TAC4: variants seen among roughly 807,000 people sequenced by gnomAD.
TAC4 encodes the protein tachykinin precursor 4, also known as tachykinin-4.
A neutral mutation model predicts 17.7 loss-of-function variants in TAC4; 17 were observed. The observed-to-expected ratio is 0.96, with a 90% CI of 0.66 to 1.44. TAC4 has a LOEUF of 1.44. Ranked by LOEUF, TAC4 falls within the 40% of genes most tolerant of loss-of-function variation. The pLI is 0.00. For missense variants in TAC4, 118 were observed against 125.6 expected, an observed-to-expected ratio of 0.94 and a Z score of 0.29; for synonymous variants, 62 against 52.4, an observed-to-expected ratio of 1.18 and a Z score of -0.79.
chr17:49,843,940 G>A, intron 2 of TAC4, 124 bp downstream of exon 2: 3 of 801,718 alleles, frequency 3.7e-6, no homozygotes, highest in Non-Finnish European at 6.5e-6. Flanking sequence ...CATCTCATGA[G>A]CGACCCCTAC....
chr17:49,844,250 G>T, intron 1 of TAC4, 93 bp from the exon 2 acceptor site: 1 of 1,189,044 alleles, frequency 8.4e-7, no homozygotes, highest in Non-Finnish European at 1.2e-6. Flanking sequence ...GTGACAGCTG[G>T]TGGTCAGCAG....
At chr17:49,845,424 A>G (rs574437123) in intron 1 of TAC4, among the ~76,000 whole-genome samples, 3 of 152,196 alleles carry the variant, frequency 2.0e-5, no homozygotes, top group Non-Finnish European at 4.4e-5. Flanking sequence ...GTCGCTCCCT[A>G]GTTGAGAGAG....
chr17:49,845,147 T>G (rs539342421), intron 1 of TAC4, among the ~76,000 whole-genome samples: 1 of 152,282 alleles, frequency 6.6e-6, no homozygotes, highest in East Asian at 1.9e-4. Context: ...TCACCTCTCT[T>G]CCCCAGGCAC....
intron 3 of TAC4, 113 bp downstream of exon 3, chr17:49,841,439 C>T: frequency 8.7e-7 from 1 of 1,152,522 alleles, no homozygotes; most frequent in Non-Finnish European, 1.2e-6. Context: ...GCAATGCCAG[C>T]CTGGCTTGCC....
chr17:49,847,365 AT>A, intron 1 of TAC4: 1 of 913,502 alleles, frequency 1.1e-6, no homozygotes, highest in Non-Finnish European at 1.5e-6. Context: ...ATGCTGGGTC[AT>A]TTCTACATGT....
chr17:49,847,391 G>C, intron 1 of TAC4: 1 of 697,522 alleles, frequency 1.4e-6, no homozygotes, highest in Middle Eastern at 3.3e-4. Flanking sequence ...CCAAATAGTG[G>C]TCCTGTTTAA....
intron 1 of TAC4, 100 bp downstream of exon 1, chr17:49,847,813 T>TC: frequency 1.3e-6 from 2 of 1,595,484 alleles, no homozygotes; most frequent in Non-Finnish European, 1.7e-6. Flanking sequence ...CTGCCTGCTC[T>TC]CCCAGCAGCC....
chr17:49,840,596 G>A (rs34931154), intron 3 of TAC4, among the ~76,000 whole-genome samples: 12,059 of 151,962 alleles, frequency 0.079, 665 homozygotes, highest in Non-Finnish European at 0.11. Context: ...TCTGCCTCCC[G>A]GGTTCAAGCG....
At chr17:49,844,030 C>G (rs745824255) in intron 2 of TAC4, 34 bp downstream of exon 2, 3 of 1,604,254 alleles carry the variant, frequency 1.9e-6, no homozygotes. Flanking sequence ...CTCAGAACCC[C>G]TGCTTGCTGG....
chr17:49,842,694 G>T (rs1327865442), intron 2 of TAC4, among the ~76,000 whole-genome samples: 1 of 151,960 alleles, frequency 6.6e-6, no homozygotes, highest in Admixed American at 6.6e-5. Flanking sequence ...TTTTGAAAAG[G>T]TTTGTACAAG....
intron 1 of TAC4, chr17:49,846,901 TGGG>T: frequency 8.1e-7 from 1 of 1,229,448 alleles, no homozygotes; most frequent in Non-Finnish European, 1.1e-6. Flanking sequence ...AGAAAAGCCT[TGGG>T]GGGTCACTTC....
chr17:49,842,856 C>T (rs571487739), intron 2 of TAC4, among the ~76,000 whole-genome samples: 5 of 152,184 alleles, frequency 3.3e-5, no homozygotes, highest in Non-Finnish European at 4.4e-5. Context: ...AACAAGTAGG[C>T]TCCTCTTGAA....
chr17:49,846,134 C>T, intron 1 of TAC4: 1 of 1,099,868 alleles, frequency 9.1e-7, no homozygotes, highest in Non-Finnish European at 1.2e-6. Flanking sequence ...GTTTCCCATT[C>T]ACTCCGACAG....
rs748427359 is a variant in TAC4, at chr17:49,844,125, C to G, written c.138G>C (p.Leu46=). ...EGAGPSIQLQ[L]QEVKTGKASQ... is the part of the protein sequence containing the mutation. Reference sequence around the variant, plus strand: ...TTGCCTTGCCCGTCTTCACCTCCTGCAGCTGGAGCTGAATGCTGGGGCCAG... The same window carrying G: ...TTGCCTTGCCCGTCTTCACCTCCTGGAGCTGGAGCTGAATGCTGGGGCCAG... The change falls in exon 2 of 5, where the codon CTG becomes CTC. Residue 46 remains leucine, a synonymous_variant. Coordinates refer to ENST00000436235, the MANE Select transcript of TAC4 (RefSeq NM_001077506.2). The G allele has an allele frequency of 6.2e-7, 1 of 1,613,870 alleles. No homozygotes were observed. The highest frequency in any genetic ancestry group is 1.7e-5 in the Admixed American group (1 of 60,012).
intron 1 of TAC4, among the ~76,000 whole-genome samples, chr17:49,844,858 A>G (rs2074525667): frequency 1.3e-5 from 2 of 152,210 alleles, no homozygotes; most frequent in African/African-American, 2.4e-5. Flanking sequence ...TGCAGTCATA[A>G]TCTCATTTAA....
At chr17:49,847,759 T>G in intron 1 of TAC4, 154 bp downstream of exon 1, 1 of 1,302,366 alleles carries the variant, frequency 7.7e-7, no homozygotes, top group Non-Finnish European at 1.1e-6. Flanking sequence ...GCTCATAGCC[T>G]TGAATCTACC....
At position 49,838,693 on chromosome 17, in the gene TAC4, T is replaced by C. The variant is rs768470716; in HGVS notation, c.293-20A>G. 39 of 1,611,028 alleles carry C rather than the reference T, an allele frequency of 2.4e-5. No homozygotes were observed. The highest frequency in any genetic ancestry group is 6.7e-5 in the East Asian group (3 of 44,656). On this transcript the variant is annotated intron_variant, in intron 4 of 4. Coordinates refer to ENST00000436235, the MANE Select transcript of TAC4 (RefSeq NM_001077506.2). ...CTCTGCCTGGGGAGAGTTTGGTATA[T>C]GAACCATGGTTAGTCGGGGGTCTTG...
At chr17:49,846,246 G>GT in intron 1 of TAC4, 1 of 1,287,424 alleles carries the variant, frequency 7.8e-7, no homozygotes, top group Non-Finnish European at 1.0e-6. Flanking sequence ...AGGGAGGTAA[G>GT]TGATGCGATC....
Position 49,841,541 on chromosome 17 carries a change from G to T in TAC4, c.232+11C>A, listed in dbSNP as rs1364078378. Reference sequence around the variant, plus strand: ...GGGGGCATGTTGAAGGCAGGTTTGGGCAATACTTACCTTTTTTTCTCCTTG... The same window carrying T: ...GGGGGCATGTTGAAGGCAGGTTTGGTCAATACTTACCTTTTTTTCTCCTTG... On this transcript the variant is annotated intron_variant, in intron 3 of 4. Transcript: ENST00000436235. 1.3e-6 allele frequency: 2 copies of T among 1,578,560 alleles called. No homozygotes were observed. Among genetic ancestry groups the T allele is most frequent in the East Asian group, 2.4e-5 (1 of 40,986 alleles).
Sources: gnomAD v4.1 joint callset for allele counts (sites outside exome capture counted in the v4.1 genomes callset) on GRCh38, gnomAD v4.1.1 for gene constraint, MANE v1.5 for transcripts, NCBI Gene and HGNC (gene_info 2026-07-23, HGNC 2026-07-21) for gene names.